Variants in TTC27 observed in about 807,000 individuals in gnomAD.
TTC27 encodes tetratricopeptide repeat domain 27.
In TTC27, 79 loss-of-function variants were observed where a neutral mutation model predicts 115.9. The observed-to-expected ratio is 0.68, with a 90% CI of 0.57 to 0.82. The LOEUF (loss-of-function observed/expected upper bound fraction) is 0.82, where lower values mean the gene tolerates loss of function less well. Among genes scored for constraint, TTC27 ranks in the 40% least tolerant of loss-of-function variants. The pLI is 0.00. For synonymous variants in TTC27, 401 were observed against 356.0 expected (o/e 1.13, Z -1.42); for missense variants, 1,054 against 993.1 (o/e 1.06, Z -0.82).
intron 9 of TTC27, among the ~76,000 whole-genome samples, chr2:32,684,945 A>G (rs1006773300): frequency 1.3e-5 from 2 of 151,380 alleles, no homozygotes; most frequent in Non-Finnish European, 2.9e-5. Context: ...AAGACATTAA[A>G]TAAGAGGAAA....
intron 16 of TTC27, among the ~76,000 whole-genome samples, chr2:32,804,965 A>G (rs1298074667): frequency 6.6e-6 from 1 of 152,224 alleles, no homozygotes; most frequent in Admixed American, 6.5e-5. Context: ...GATTTAGCAA[A>G]GAAATGATAA....
chr2:32,725,028 G>A (rs528507541), intron 10 of TTC27, among the ~76,000 whole-genome samples: 2 of 152,280 alleles, frequency 1.3e-5, no homozygotes, highest in African/African-American at 4.8e-5. Flanking sequence ...ACCAGATCTT[G>A]TGAAACTTAT....
At chr2:32,632,671 A>G (rs1475440438) in intron 2 of TTC27, among the ~76,000 whole-genome samples, 1 of 145,838 alleles carries the variant, frequency 6.9e-6, no homozygotes. Flanking sequence ...TGTATGTTTG[A>G]TTTTTTTTTT....
chr2:32,692,385 C>G (rs1417465294), intron 9 of TTC27, among the ~76,000 whole-genome samples: 2 of 151,864 alleles, frequency 1.3e-5, no homozygotes, highest in Non-Finnish European at 2.9e-5. Context: ...ATTCATAGAA[C>G]CAAAAAGCAG....
At chr2:32,731,915 T>G (rs913768458) in intron 10 of TTC27, among the ~76,000 whole-genome samples, 2 of 152,168 alleles carry the variant, frequency 1.3e-5, no homozygotes, top group African/African-American at 4.8e-5. Flanking sequence ...CTAATATGCT[T>G]TAGCTAGTTT....
At position 32,628,106 on chromosome 2, in the gene TTC27, GCGCTGC is replaced by G; in HGVS notation, c.-186_-181del. 1.7e-6 allele frequency: 1 copy of G among 572,698 alleles called. No homozygotes were observed. Among genetic ancestry groups the G allele is most frequent in the South Asian group, 2.1e-5 (1 of 48,408 alleles). The allele number at this position is 572,698 out of a possible 1,614,324, so 35.5% of individuals were successfully genotyped here. ...GTGCGTGTTTTTCCCAGGGTGCCCC[GCGCTGC>G]TGTTATGGCCGCCTCCTTGAGGTAG... is the stretch of plus-strand genomic sequence containing the variant. On this transcript the variant is annotated 5_prime_UTR_variant, in exon 1 of 20. Transcript: ENST00000317907.
chr2:32,791,199 C>T (rs1400033906), intron 16 of TTC27, among the ~76,000 whole-genome samples: 1 of 152,104 alleles, frequency 6.6e-6, no homozygotes, highest in South Asian at 2.1e-4. Context: ...CATGAATATC[C>T]TTGCAGACGA....
At chr2:32,753,086 G>C (rs1164876329) in intron 12 of TTC27, among the ~76,000 whole-genome samples, 2 of 152,146 alleles carry the variant, frequency 1.3e-5, no homozygotes, top group Non-Finnish European at 2.9e-5. Context: ...CTGGGTCTCG[G>C]ACACTTGGGG....
intron 13 of TTC27, among the ~76,000 whole-genome samples, chr2:32,771,816 A>C (rs571342576): frequency 6.6e-6 from 1 of 152,352 alleles, no homozygotes; most frequent in South Asian, 2.1e-4. Flanking sequence ...TTCCTGTTTA[A>C]TGATACCACA....
chr2:32,789,162 A>G (rs779382004), intron 16 of TTC27, among the ~76,000 whole-genome samples: 12 of 152,190 alleles, frequency 7.9e-5, no homozygotes, highest in Non-Finnish European at 1.2e-4. Flanking sequence ...TACATCATAG[A>G]GTTATAAAGT....
intron 13 of TTC27, among the ~76,000 whole-genome samples, chr2:32,774,467 C>T (rs1410532531): frequency 6.6e-6 from 1 of 152,048 alleles, no homozygotes; most frequent in Non-Finnish European, 1.5e-5. Context: ...GGACCACCTT[C>T]CTTTGACTTT....
chr2:32,630,732 A>G, intron 2 of TTC27, 32 bp downstream of exon 2: 3 of 1,583,766 alleles, frequency 1.9e-6, no homozygotes, highest in Non-Finnish European at 2.6e-6. Context: ...TCATAGAGGA[A>G]CAGAGCAAAT....
intron 16 of TTC27, among the ~76,000 whole-genome samples, chr2:32,791,637 G>A (rs1191411979): frequency 6.6e-6 from 1 of 152,106 alleles, no homozygotes. Flanking sequence ...GAAGATTTAT[G>A]TCAAAAGCAC....
chr2:32,687,799 A>T (rs1430161684), intron 9 of TTC27, among the ~76,000 whole-genome samples: 2 of 152,214 alleles, frequency 1.3e-5, no homozygotes, highest in African/African-American at 4.8e-5. Context: ...GCTCCACAGT[A>T]CATGAAACAA....
intron 16 of TTC27, among the ~76,000 whole-genome samples, chr2:32,790,475 A>G (rs932578050): frequency 9.2e-5 from 14 of 152,288 alleles, no homozygotes; most frequent in East Asian, 3.9e-4. Flanking sequence ...GTATACATCT[A>G]TGGAGTACCA....
intron 5 of TTC27, among the ~76,000 whole-genome samples, chr2:32,652,109 C>T (rs1216033820): frequency 1.3e-5 from 2 of 152,162 alleles, no homozygotes; most frequent in Non-Finnish European, 2.9e-5. Context: ...CGCGTTGGCT[C>T]ATGCCTGTAA....
chr2:32,638,405 G>C (rs577463054), intron 3 of TTC27, among the ~76,000 whole-genome samples: 1 of 152,080 alleles, frequency 6.6e-6, no homozygotes, highest in East Asian at 1.9e-4. Flanking sequence ...TTCTAAGGCA[G>C]TCTCGCTCTG....
chr2:32,712,442 A>C (rs1328277313), intron 10 of TTC27, among the ~76,000 whole-genome samples: 1 of 152,190 alleles, frequency 6.6e-6, no homozygotes, highest in East Asian at 1.9e-4. Flanking sequence ...ATAAAATAAG[A>C]TTATATTCTT....
intron 11 of TTC27, among the ~76,000 whole-genome samples, chr2:32,734,573 A>T (rs1294596676): frequency 6.6e-6 from 1 of 152,256 alleles, no homozygotes; most frequent in Middle Eastern, 3.4e-3. Context: ...TGGGGTGGGG[A>T]TTCTGGCCCC....
Sources: gnomAD v4.1 joint callset for allele counts (sites outside exome capture counted in the v4.1 genomes callset) on GRCh38, gnomAD v4.1.1 for gene constraint, MANE v1.5 for transcripts, NCBI Gene and HGNC (gene_info 2026-07-23, HGNC 2026-07-21) for gene names.